Variants in SELPLG observed in about 807,000 individuals in gnomAD.
SELPLG encodes the protein selectin P ligand, also known as P-selectin glycoprotein ligand 1.
A neutral mutation model predicts 1.1 loss-of-function variants in SELPLG; 2 were observed. That is an observed-to-expected ratio of 1.82 (90% CI 0.74 to 5.71). SELPLG has a LOEUF of 5.71. SELPLG is among the 30% of genes most tolerant of loss of function. The pLI is 0.05. For synonymous variants in SELPLG, 230 were observed against 221.2 expected (o/e 1.04, Z -0.35); for missense variants, 478 against 524.7 (o/e 0.91, Z 0.87).
intron 1 of SELPLG, among the ~76,000 whole-genome samples, chr12:108,627,582 G>A (rs2031958720): frequency 6.6e-6 from 1 of 152,206 alleles, no homozygotes; most frequent in African/African-American, 2.4e-5. Flanking sequence ...TGTAAAATTG[G>A]GATAAGAAAC....
chr12:108,628,037 T>C (rs1178066848), intron 1 of SELPLG, among the ~76,000 whole-genome samples: 1 of 152,018 alleles, frequency 6.6e-6, no homozygotes, highest in Admixed American at 6.6e-5. Flanking sequence ...GCTGTGATCA[T>C]GCCACTGCAC....
At chr12:108,629,601 C>T (rs188145787) in intron 1 of SELPLG, among the ~76,000 whole-genome samples, 117 of 152,226 alleles carry the variant, frequency 7.7e-4, no homozygotes, top group Non-Finnish European at 1.2e-3. Context: ...CCCAGCTACT[C>T]GGGAGGCTGA....
chr12:108,632,389 G>GGGGTGT (rs1011943938), intron 1 of SELPLG, among the ~76,000 whole-genome samples: 11 of 144,720 alleles, frequency 7.6e-5, no homozygotes, highest in African/African-American at 2.6e-4. Flanking sequence ...GACAATATGG[G>GGGGTGT]GTGTGTGTGT....
intron 1 of SELPLG, among the ~76,000 whole-genome samples, chr12:108,633,346 A>G (rs576298641): frequency 6.6e-6 from 1 of 152,256 alleles, no homozygotes; most frequent in African/African-American, 2.4e-5. Flanking sequence ...AGGAAAGGTA[A>G]AAATATTAGC....
chr12:108,626,412 G>T (rs8179134), intron 1 of SELPLG, among the ~76,000 whole-genome samples: 11,315 of 152,172 alleles, frequency 0.074, 547 homozygotes, highest in Non-Finnish European at 0.11. Context: ...TGGGATTACA[G>T]GGCGTGGGCC....
chr12:108,626,221 G>A (rs1319931552), intron 1 of SELPLG, among the ~76,000 whole-genome samples: 9 of 140,956 alleles, frequency 6.4e-5, no homozygotes, highest in African/African-American at 1.6e-4. Flanking sequence ...TGCAACCTCC[G>A]CCTCCCGGGT....
At position 108,630,680 on chromosome 12, in the gene SELPLG, G is replaced by A. The variant is rs545627333; in HGVS notation, c.-6+3060C>T. Among the ~76,000 whole-genome samples the A allele has an allele frequency of 1.2e-4, 18 of 152,272 alleles. No homozygotes were observed. In the East Asian group the frequency reaches 3.1e-3, roughly 26 times the overall value. ...TGTGGGTTCCTTAGCTGGAATACAA[G>A]GACAATGGTAGCACCCGCTTTTTAT... On this transcript the variant is annotated intron_variant, in intron 1 of 1. Transcript: ENST00000550948.
At chr12:108,626,076 G>T (rs1264912128) in intron 1 of SELPLG, among the ~76,000 whole-genome samples, 1 of 151,814 alleles carries the variant, frequency 6.6e-6, no homozygotes, top group African/African-American at 2.4e-5. Flanking sequence ...CTTCCAGCCA[G>T]GTTCAATCTG....
At chr12:108,628,981 G>C (rs2031994917) in intron 1 of SELPLG, among the ~76,000 whole-genome samples, 1 of 152,206 alleles carries the variant, frequency 6.6e-6, no homozygotes. Context: ...TGAGTGTATG[G>C]AAGTTCCCAG....
chr12:108,631,585 A>G (rs8179156), intron 1 of SELPLG, among the ~76,000 whole-genome samples: 142,373 of 152,196 alleles, frequency 0.94, 66,639 homozygotes, highest in East Asian at 1. Context: ...GATATGCTGT[A>G]TATCTGTTTA....
intron 1 of SELPLG, chr12:108,632,009 TC>T: frequency 7.5e-7 from 1 of 1,337,680 alleles, no homozygotes; most frequent in South Asian, 1.3e-5. Flanking sequence ...CAGCTGCTTC[TC>T]CCCTTCAAGC....
At position 108,623,009 on chromosome 12, in the gene SELPLG, AG is replaced by A; in HGVS notation, c.*59del. ...GCTGTGGAATGGGGTCTGGGCACTC[AG>A]GGGTGGCCCAGGAGAGCCCGTGGAG... On this transcript the variant is annotated 3_prime_UTR_variant, in exon 2 of 2. Transcript: ENST00000550948. 7.0e-7 allele frequency: 1 copy of A among 1,426,520 alleles called. No individual in the cohort carries two copies. The allele number at this position is 1,426,520 out of a possible 1,614,324, so 88.4% of individuals were successfully genotyped here.
Position 108,632,262 on chromosome 12 carries a change from C to T in SELPLG, c.-6+1478G>A, listed in dbSNP as rs542955345. Among the ~76,000 whole-genome samples, 4 of 152,286 alleles carry T rather than the reference C, an allele frequency of 2.6e-5. No homozygotes were observed. The South Asian group carries it at 8.3e-4, about 32-fold the overall frequency. ...AGGGCCTGGGAGCCACCTTCTGAGG[C>T]CCCGGCCCACTGAGGGGCCTGGCTC... is the stretch of plus-strand genomic sequence containing the variant. On this transcript the variant is annotated intron_variant, in intron 1 of 1. Transcript: ENST00000550948.
rs2031843978 is a variant in SELPLG, at chr12:108,622,733, G to A, written c.*336C>T. ...GACTCCAGTGACCAGGAGAAGCGGG[G>A]AGAGCCATGGGAGATGTTAGAGGGA... On this transcript the variant is annotated 3_prime_UTR_variant, in exon 2 of 2. Coordinates refer to ENST00000550948, the MANE Select transcript of SELPLG (RefSeq NM_003006.4). The A allele has an allele frequency of 3.6e-6, 1 of 276,832 alleles. No homozygotes were observed. Among genetic ancestry groups the A allele is most frequent in the African/African-American group, 2.2e-5 (1 of 45,586 alleles). 17.1% of individuals were successfully genotyped at this position (276,832 alleles called of 1,614,324 possible). A position where few individuals can be genotyped will look rare whatever the true frequency, so the allele number is the denominator to read the frequency against.
Position 108,623,855 on chromosome 12 carries a change from T to C in SELPLG, c.453A>G (p.Ala151=). ...CCGTGGCCGTCAGTCGAGTTGTCTGTGCCTCTGTGGCTGCCAGTGGAGTGG... is the reference window on the plus strand; with the variant it reads ...CCGTGGCCGTCAGTCGAGTTGTCTGCGCCTCTGTGGCTGCCAGTGGAGTGG... ...AQTTPLAATE[A]QTTRLTATEA... is the part of the protein sequence containing the mutation. The change falls in exon 2 of 2, where the codon GCA becomes GCG. Residue 151 remains alanine (A), a synonymous_variant. Transcript: ENST00000550948. 2 of 1,575,146 alleles carry C rather than the reference T, an allele frequency of 1.3e-6. No homozygotes were observed. Among genetic ancestry groups the C allele is most frequent in the Non-Finnish European group, 1.7e-6 (2 of 1,158,048 alleles).
At position 108,624,207 on chromosome 12, in the gene SELPLG, G is replaced by A. The variant is rs2031891359; in HGVS notation, c.101C>T (p.Pro34Leu). The A allele has an allele frequency of 6.2e-7, 1 of 1,614,064 alleles. No homozygotes were observed. The highest frequency in any genetic ancestry group is 1.3e-5 in the African/African-American group (1 of 74,928). Reference sequence around the variant, plus strand: ...CTGTCTCCGGTCCCGGGCAAGCAGGGGACCCAAGGCTTTCTCGGCTTCATC... The same window carrying A: ...CTGTCTCCGGTCCCGGGCAAGCAGGAGACCCAAGGCTTTCTCGGCTTCATC... ...WADEAEKALG[P>L]LLARDRRQAT... The change falls in exon 2 of 2, where the codon CCC (proline) becomes CTC (leucine). Residue 34 changes from proline (P) to leucine (L), a missense_variant. Physicochemically the swap from Pro to Leu is moderately conservative, Grantham distance 98 (BLOSUM62 -3). Transcript: ENST00000550948.
intron 1 of SELPLG, among the ~76,000 whole-genome samples, chr12:108,633,233 G>A (rs920975562): frequency 1.9e-4 from 29 of 152,316 alleles, no homozygotes; most frequent in African/African-American, 7.0e-4. Flanking sequence ...GGCTGGGGCT[G>A]GTGGGTCACA....
chr12:108,632,795 T>G (rs761767818), intron 1 of SELPLG, among the ~76,000 whole-genome samples: 5 of 152,112 alleles, frequency 3.3e-5, no homozygotes, highest in Non-Finnish European at 5.9e-5. Context: ...GGATTACAGG[T>G]GTAAGCCACT....
At chr12:108,632,047 C>T in intron 1 of SELPLG, 1 of 844,330 alleles carries the variant, frequency 1.2e-6, no homozygotes, top group South Asian at 1.6e-5. Context: ...GTAAAAGGGG[C>T]ACTGTCCACC....
Sources: allele counts gnomAD v4.1 joint callset (sites outside exome capture counted in the v4.1 genomes callset), GRCh38; gene constraint gnomAD v4.1.1; transcripts MANE v1.5; gene names NCBI Gene and HGNC (gene_info 2026-07-23, HGNC 2026-07-21).